CREB1: variants seen among roughly 807,000 people sequenced by gnomAD.
CREB1 encodes cAMP responsive element binding protein 1, also known as cyclic AMP-responsive element-binding protein 1.
Under a neutral mutation model 42.0 loss-of-function variants are expected in CREB1, and 2 were observed. That is an observed-to-expected ratio of 0.05 (90% CI 0.02 to 0.15). The LOEUF (loss-of-function observed/expected upper bound fraction) is 0.15, where lower values mean the gene tolerates loss of function less well. CREB1 is among the 10% of genes least tolerant of loss of function. The pLI, the probability that CREB1 is intolerant of heterozygous loss-of-function variation, is 1.00. For synonymous variants in CREB1, 123 were observed against 139.9 expected (o/e 0.88, Z 0.85); for missense variants, 199 against 388.9 (o/e 0.51, Z 4.11).
intron 7 of CREB1, among the ~76,000 whole-genome samples, chr2:207,591,058 C>G (rs1178908879): frequency 1.3e-5 from 2 of 152,102 alleles, no homozygotes; most frequent in Non-Finnish European, 2.9e-5. Context: ...CAAGAACATA[C>G]TTTGTATTAT....
intron 1 of CREB1, among the ~76,000 whole-genome samples, chr2:207,552,816 G>A (rs1222247413): frequency 2.2e-4 from 33 of 151,856 alleles, no homozygotes; most frequent in African/African-American, 7.0e-4. Context: ...GGGTTTCACC[G>A]TGTTGGCCAA....
rs952087300 is a variant in CREB1 at position 207,602,384 on chromosome 2, A to C, written c.*5326A>C. The C allele has an allele frequency of 3.5e-5, 7 of 202,426 alleles. No homozygotes were observed. In the East Asian group the frequency reaches 5.3e-4, roughly 15 times the overall value. The allele number at this position is 202,426 out of a possible 1,614,324, so 12.5% of individuals were successfully genotyped here. On this transcript the variant is annotated 3_prime_UTR_variant, in exon 8 of 8. Transcript: ENST00000353267. ...GTCCCAGCTGGGTATGACATGATAC[A>C]TTTTTAATTATTCTCACCAGCAAGT...
chr2:207,554,688 C>G (rs888294436), intron 1 of CREB1, among the ~76,000 whole-genome samples: 1 of 152,146 alleles, frequency 6.6e-6, no homozygotes, highest in Admixed American at 6.5e-5. Flanking sequence ...AAGTGCTTAG[C>G]AAAGCAGAGT....
In CREB1 at chr2:207,601,642, A is replaced by T. The variant is rs1806585; in HGVS notation, c.*4584A>T. The stretch of plus-strand genomic sequence containing the variant: ...AAATATCCATTAATTTGTCTAGAAT[A>T]GTACAAGACTTTTTAAAGCAATTGT... On this transcript the variant is annotated 3_prime_UTR_variant, in exon 8 of 8. Transcript: ENST00000353267. 15,570 of 211,234 alleles carry T rather than the reference A, an allele frequency of 0.074. 1,200 individuals carry two copies. Among genetic ancestry groups the T allele is most frequent in the East Asian group, 0.23 (3,202 of 13,826 alleles). 13.1% of individuals were successfully genotyped at this position (211,234 alleles called of 1,614,324 possible).
intron 1 of CREB1, among the ~76,000 whole-genome samples, chr2:207,537,079 G>A (rs1370434313): frequency 2.6e-5 from 4 of 152,120 alleles, no homozygotes; most frequent in East Asian, 1.9e-4. Flanking sequence ...TTGTTGAGAC[G>A]GAGTCTTTCT....
chr2:207,547,540 G>T (rs1480721371), intron 1 of CREB1, among the ~76,000 whole-genome samples: 1 of 152,172 alleles, frequency 6.6e-6, no homozygotes, highest in African/African-American at 2.4e-5. Context: ...AACACTTCAT[G>T]TATAGAGGTT....
chr2:207,596,055 ATCCAATG>A (rs1333010796), intron 7 of CREB1, among the ~76,000 whole-genome samples: 2 of 152,206 alleles, frequency 1.3e-5, no homozygotes, highest in Non-Finnish European at 2.9e-5. Context: ...TTACTGCCAA[ATCCAATG>A]TCAGAGAGTG....
chr2:207,536,880 C>T (rs2080895345), intron 1 of CREB1, among the ~76,000 whole-genome samples: 1 of 151,796 alleles, frequency 6.6e-6, no homozygotes, highest in Non-Finnish European at 1.5e-5. Context: ...GTCCCAGCTG[C>T]TTGGGAGGCT....
At chr2:207,533,611 T>A (rs2080745683) in intron 1 of CREB1, among the ~76,000 whole-genome samples, 1 of 152,200 alleles carries the variant, frequency 6.6e-6, no homozygotes, top group Non-Finnish European at 1.5e-5. Flanking sequence ...GCAAATATCT[T>A]GATATATGGT....
intron 1 of CREB1, 46 bp from the exon 2 acceptor site, chr2:207,555,582 G>T (rs933171750): frequency 7.9e-7 from 1 of 1,268,324 alleles, no homozygotes; most frequent in Non-Finnish European, 1.1e-6. Flanking sequence ...AGTCACGAAA[G>T]CACAAAGCAC....
intron 2 of CREB1, 62 bp from the exon 3 acceptor site, chr2:207,560,164 G>T: frequency 7.0e-7 from 1 of 1,420,296 alleles, no homozygotes; most frequent in South Asian, 1.8e-5. Flanking sequence ...ATTTCATATT[G>T]AACATGAGTA....
intron 1 of CREB1, among the ~76,000 whole-genome samples, chr2:207,533,967 ATAC>A: frequency 6.6e-6 from 1 of 152,232 alleles, no homozygotes; most frequent in African/African-American, 2.4e-5. Context: ...TAAAATTAGA[ATAC>A]TACTACTTAT....
Position 207,600,024 on chromosome 2 carries a change from T to TA in CREB1, c.*2967dup, listed in dbSNP as rs2086766529. The TA allele has an allele frequency of 1.1e-5, 2 of 189,264 alleles. No individual in the cohort carries two copies. Among genetic ancestry groups the TA allele is most frequent in the Admixed American group, 1.2e-4 (2 of 16,230 alleles). 11.7% of individuals were successfully genotyped at this position (189,264 alleles called of 1,614,324 possible). A position where few individuals can be genotyped will look rare whatever the true frequency, so the allele number is the denominator to read the frequency against. ...GGGTTTATTTTTGATATATTACTCT[T>TA]ATGAGTTTTCAAGCTTTGATAATGT... On this transcript the variant is annotated 3_prime_UTR_variant, in exon 8 of 8. Transcript: ENST00000353267.
At chr2:207,558,642 G>A (rs1043870792) in intron 2 of CREB1, among the ~76,000 whole-genome samples, 1 of 147,816 alleles carries the variant, frequency 6.8e-6, no homozygotes, top group Non-Finnish European at 1.5e-5. Context: ...CCACTAAAGT[G>A]ATTTTTTTTT....
rs1348486058 is a variant in CREB1 at position 207,601,712 on chromosome 2, A to T, written c.*4654A>T. ...AATATACTGAAATATGTTCATTTTT[A>T]ATGGCTTTGTTAACATCAAAGAAAT... On this transcript the variant is annotated 3_prime_UTR_variant, in exon 8 of 8. Coordinates refer to ENST00000353267, the MANE Select transcript of CREB1 (RefSeq NM_004379.5). 4.2e-5 allele frequency: 9 copies of T among 213,868 alleles called. No individual in the cohort carries two copies. The Middle Eastern group carries it at 6.0e-3, about 142-fold the overall frequency. The allele number at this position is 213,868 out of a possible 1,614,324, so 13.2% of individuals were successfully genotyped here. A position where few individuals can be genotyped will look rare whatever the true frequency, so the allele number is the denominator to read the frequency against.
intron 5 of CREB1, among the ~76,000 whole-genome samples, chr2:207,572,225 CAA>C (rs35000643): frequency 2.3e-4 from 23 of 98,860 alleles, no homozygotes; most frequent in Admixed American, 8.1e-4. Flanking sequence ...GATTCCGTCT[CAA>C]AAAAAAAAAA....
chr2:207,602,542 G>C lies in CREB1; in HGVS notation c.*5484G>C, dbSNP rs2087258905. The stretch of plus-strand genomic sequence containing the variant: ...GCTTTTGTCTGAGGAGCATCTCAGA[G>C]AAGTGAGAGTAAATCTGAGTTAGCT... On this transcript the variant is annotated 3_prime_UTR_variant, in exon 8 of 8. Coordinates refer to ENST00000353267, the MANE Select transcript of CREB1 (RefSeq NM_004379.5). 1 of 210,724 alleles carries C rather than the reference G, an allele frequency of 4.7e-6. No homozygotes were observed. The highest frequency in any genetic ancestry group is 2.3e-5 in the African/African-American group (1 of 44,064). 13.1% of individuals were successfully genotyped at this position (210,724 alleles called of 1,614,324 possible). A position where few individuals can be genotyped will look rare whatever the true frequency, so the allele number is the denominator to read the frequency against.
At position 207,599,627 on chromosome 2, in the gene CREB1, T is replaced by A. The variant is rs2086710475; in HGVS notation, c.*2569T>A. 5.0e-6 allele frequency: 1 copy of A among 200,602 alleles called. No homozygotes were observed. Among genetic ancestry groups the A allele is most frequent in the African/African-American group, 2.3e-5 (1 of 43,546 alleles). The allele number at this position is 200,602 out of a possible 1,614,324, so 12.4% of individuals were successfully genotyped here. ...ATGTATCCTGTTGCTAAATCTGTCT[T>A]AGACCCTTGGTGAAACTTGAAGATT... On this transcript the variant is annotated 3_prime_UTR_variant, in exon 8 of 8. Transcript: ENST00000353267.
intron 1 of CREB1, among the ~76,000 whole-genome samples, chr2:207,539,312 C>T (rs771147254): frequency 1.1e-4 from 16 of 151,438 alleles, no homozygotes; most frequent in Non-Finnish European, 2.1e-4. Flanking sequence ...CCTCAGCCTC[C>T]GATTACAGGC....
Sources: gnomAD v4.1 joint callset for allele counts (sites outside exome capture counted in the v4.1 genomes callset) on GRCh38, gnomAD v4.1.1 for gene constraint, MANE v1.5 for transcripts, NCBI Gene and HGNC (gene_info 2026-07-23, HGNC 2026-07-21) for gene names.